TXNRD2: variants seen among roughly 807,000 people sequenced by gnomAD.
TXNRD2 encodes thioredoxin reductase 2.
TXNRD2 carries 67 observed loss-of-function variants against 70.8 expected under a neutral mutation model. That is an observed-to-expected ratio of 0.95 (90% CI 0.78 to 1.16). TXNRD2 has a LOEUF of 1.16. Among genes scored for constraint, TXNRD2 ranks in the 50% most tolerant of loss-of-function variants. The probability of loss-of-function intolerance (pLI) is 0.00; values close to 1 mark genes in which losing one functional copy is unlikely to be tolerated. For missense variants in TXNRD2, 644 were observed against 719.9 expected, an observed-to-expected ratio of 0.89 and a Z score of 1.21; for synonymous variants, 301 against 295.8, an observed-to-expected ratio of 1.02 and a Z score of -0.18.
chr22:19,907,051 G>T (rs1321183134), intron 8 of TXNRD2, among the ~76,000 whole-genome samples: 1 of 101,360 alleles, frequency 9.9e-6, no homozygotes, highest in Non-Finnish European at 2.0e-5. Flanking sequence ...TCTCAGGAGA[G>T]TGTGGGCGCC....
At chr22:19,909,971 C>CA (rs1569094182) in intron 8 of TXNRD2, among the ~76,000 whole-genome samples, 6 of 121,654 alleles carry the variant, frequency 4.9e-5, no homozygotes, top group East Asian at 2.5e-4. Flanking sequence ...CACACACACA[C>CA]CACACACACC....
At chr22:19,933,252 T>C (rs866971357) in intron 1 of TXNRD2, among the ~76,000 whole-genome samples, 4 of 152,248 alleles carry the variant, frequency 2.6e-5, no homozygotes, top group Middle Eastern at 3.2e-3. Flanking sequence ...TCAAGGGCTC[T>C]GGAAAGGCCT....
At chr22:19,921,414 CAAA>C (rs34252435) in intron 2 of TXNRD2, among the ~76,000 whole-genome samples, 35 of 75,416 alleles carry the variant, frequency 4.6e-4, no homozygotes, top group African/African-American at 1.2e-3. Context: ...GACCCTGTCT[CAAA>C]AAAAAAAAAA....
chr22:19,880,664 C>T lies in TXNRD2; in HGVS notation c.1140G>A (p.Gln380=), dbSNP rs767856472. The change falls in exon 13 of 18, where the codon CAG becomes CAA. Residue 380 remains glutamine (Q), a synonymous_variant. Coordinates refer to ENST00000400521, the MANE Select transcript of TXNRD2 (RefSeq NM_006440.5). Reference sequence around the variant, plus strand: ...GATCTGAGGACCCGCCGAAGAGCCGCTGCACCAGGAGCCTCCCGGCCATGA... The same window carrying T: ...GATCTGAGGACCCGCCGAAGAGCCGTTGCACCAGGAGCCTCCCGGCCATGA... The part of the protein sequence containing the change: ...IAIMAGRLLV[Q]RLFGGSSDLM... 1 of 1,613,446 alleles carries T rather than the reference C, an allele frequency of 6.2e-7. No homozygotes were observed. Among genetic ancestry groups the T allele is most frequent in the Non-Finnish European group, 8.5e-7 (1 of 1,180,008 alleles).
At position 19,895,506 on chromosome 22, in the gene TXNRD2, C is replaced by A. The variant is rs201177571; in HGVS notation, c.850G>T (p.Val284Phe). 6.2e-7 allele frequency: 1 copy of A among 1,613,950 alleles called. No homozygotes were observed. Among genetic ancestry groups the A allele is most frequent in the Non-Finnish European group, 8.5e-7 (1 of 1,180,032 alleles). Residue 284 changes from valine (V) to phenylalanine (F), a missense_variant, in exon 11 of 18, where the codon GTC becomes TTC. This residue lies in a region of TXNRD2 where 566 missense variants were observed against 645.0 expected (regional missense o/e 0.88). Coordinates refer to ENST00000400521, the MANE Select transcript of TXNRD2 (RefSeq NM_006440.5). ...RFLRGCAPSR[V>F]RRLPDGQLQV... ...AGCTGGCCATCAGGGAGCCTCCTGA[C>A]CCGCGAGGGGGCACAGCCCCTCAGG... is the stretch of plus-strand genomic sequence containing the variant.
chr22:19,897,164 G>A (rs1459328444), intron 10 of TXNRD2, among the ~76,000 whole-genome samples: 4 of 152,194 alleles, frequency 2.6e-5, no homozygotes, highest in African/African-American at 9.6e-5. Flanking sequence ...GCTTTAGGAT[G>A]GAACAACACA....
chr22:19,899,448 G>T (rs867954014), intron 8 of TXNRD2, among the ~76,000 whole-genome samples: 8 of 152,218 alleles, frequency 5.3e-5, no homozygotes, highest in Admixed American at 4.6e-4. Flanking sequence ...CCACCAGACC[G>T]CAAGGGAAGA....
rs758503929 is a variant in TXNRD2, at chr22:19,941,750, C to A, written c.54G>T (p.Arg18=). 1.3e-6 allele frequency: 2 copies of A among 1,503,308 alleles called. No homozygotes were observed. The highest frequency in any genetic ancestry group is 2.5e-5 in the South Asian group (2 of 80,332). The allele number at this position is 1,503,308 out of a possible 1,614,324, so 93.1% of individuals were successfully genotyped here. ...GCACCCCGCCCGCCACGGCCTGCGT[C>A]CGCCACCGGAAGCGCCCTCCTAATC... ...LRGLGGRFRW[R]TQAVAGGVRG... The change falls in exon 1 of 18, where the codon CGG becomes CGT. Residue 18 remains arginine, a synonymous_variant. Coordinates refer to ENST00000400521, the MANE Select transcript of TXNRD2 (RefSeq NM_006440.5).
chr22:19,876,404 G>A (rs80053274), intron 17 of TXNRD2: 4,319 of 152,382 alleles, frequency 0.028, 232 homozygotes, highest in African/African-American at 0.097. Context: ...ATTAGACCAC[G>A]AGGCGAGGGG....
rs386394954 is a variant in TXNRD2 at position 19,898,510 on chromosome 22, CTTTTTTTTTT to C, written c.683-390_683-381del. Among the ~76,000 whole-genome samples the C allele has an allele frequency of 2.8e-4, 26 of 94,396 alleles. No individual in the cohort carries two copies. In the East Asian group the frequency reaches 4.5e-3, roughly 16 times the overall value. The allele number at this position is 94,396 out of a possible 152,430, so 61.9% of individuals were successfully genotyped here. ...TGTGCTCTCAGCCAGCGGCTTGGGG[CTTTTTTTTTT>C]TTTTTTTTTTTTGAGATGGAGTCTC... On this transcript the variant is annotated intron_variant, in intron 9 of 17. Coordinates refer to ENST00000400521, the MANE Select transcript of TXNRD2 (RefSeq NM_006440.5).
At position 19,918,165 on chromosome 22, in the gene TXNRD2, G is replaced by T; in HGVS notation, c.427C>A (p.His143Asn). The change falls in exon 5 of 18, where the codon CAC (histidine) becomes AAC (asparagine). Residue 143 changes from histidine to asparagine, a missense_variant. Physicochemically the swap from His to Asn is moderately conservative, Grantham distance 68. Coordinates refer to ENST00000400521, the MANE Select transcript of TXNRD2 (RefSeq NM_006440.5). ...TACCTGTCCTGAAGCTGGACACGGT[G>T]GCCCCAGTTCAAGGATTTCACGTGA... is the stretch of plus-strand genomic sequence containing the variant. ...QNHVKSLNWG[H>N]RVQLQDRKVK... is the part of the protein sequence containing the mutation. 1 of 1,614,158 alleles carries T rather than the reference G, an allele frequency of 6.2e-7. No individual in the cohort carries two copies. The highest frequency in any genetic ancestry group is 8.5e-7 in the Non-Finnish European group (1 of 1,180,028).
chr22:19,924,281 C>G (rs758443015), intron 2 of TXNRD2, among the ~76,000 whole-genome samples: 4 of 152,190 alleles, frequency 2.6e-5, no homozygotes, highest in Admixed American at 2.6e-4. Flanking sequence ...TTGATCCAAG[C>G]GAGGCTGAAA....
At chr22:19,894,706 C>T (rs1206561465) in intron 11 of TXNRD2, 3 of 201,974 alleles carry the variant, frequency 1.5e-5, no homozygotes, top group Non-Finnish European at 2.0e-5. Context: ...AAAATACATA[C>T]TGGCCAGGTG....
At chr22:19,895,289 A>T in intron 11 of TXNRD2, 118 bp downstream of exon 11, 1 of 1,594,918 alleles carries the variant, frequency 6.3e-7, no homozygotes, top group Non-Finnish European at 8.5e-7. Context: ...GGAGCGGCCA[A>T]CCCGCCTGGC....
At chr22:19,885,628 G>C (rs1349785425) in intron 11 of TXNRD2, among the ~76,000 whole-genome samples, 1 of 152,350 alleles carries the variant, frequency 6.6e-6, no homozygotes, top group East Asian at 1.9e-4. Flanking sequence ...GTCCCTGCAG[G>C]CCGGGGGCTC....
intron 11 of TXNRD2, chr22:19,894,998 TACCAAGACTTAA>T: frequency 6.9e-7 from 1 of 1,444,320 alleles, no homozygotes; most frequent in South Asian, 1.3e-5. Flanking sequence ...AAAAGAAACA[TACCAAGACTTAA>T]ACCTGGAAGG....
intron 11 of TXNRD2, chr22:19,883,874 G>A (rs994301647): frequency 9.4e-6 from 2 of 213,734 alleles, no homozygotes; most frequent in Non-Finnish European, 9.6e-6. Context: ...AACCCAGGAG[G>A]TGGAGGCTGC....
chr22:19,916,193 AGGGAGCTGTGGT>A (rs1464791327), intron 5 of TXNRD2: 2 of 343,110 alleles, frequency 5.8e-6, no homozygotes, highest in Non-Finnish European at 1.1e-5. Context: ...ATGTTCCAGC[AGGGAGCTGTGGT>A]GCCCACCAGA....
intron 13 of TXNRD2, among the ~76,000 whole-genome samples, 157 bp downstream of exon 13, chr22:19,880,465 C>A (rs1280220056): frequency 6.6e-6 from 1 of 152,224 alleles, no homozygotes; most frequent in Non-Finnish European, 1.5e-5. Context: ...CATGCATGCA[C>A]ACACACGTGT....
Sources: gnomAD v4.1 joint callset for allele counts (sites outside exome capture counted in the v4.1 genomes callset) on GRCh38, gnomAD v4.1.1 for gene constraint, gnomAD v4.1.1 regional missense constraint, MANE v1.5 for transcripts, NCBI Gene and HGNC (gene_info 2026-07-23, HGNC 2026-07-21) for gene names.